PCLO: variants seen among roughly 807,000 people sequenced by gnomAD.
PCLO encodes protein piccolo.
In PCLO, 82 loss-of-function variants were observed where a neutral mutation model predicts 427.5. The observed-to-expected ratio is 0.19, with a 90% CI of 0.16 to 0.23. PCLO has a LOEUF of 0.23. Among genes scored for constraint, PCLO ranks in the 10% least tolerant of loss-of-function variants. PCLO has a pLI of 1.00. For synonymous variants in PCLO, 2,357 were observed against 2,155.4 expected (o/e 1.09, Z -2.59); for missense variants, 6,239 against 6,115.9 (o/e 1.02, Z -0.67).
intron 6 of PCLO, among the ~76,000 whole-genome samples, chr7:82,930,526 C>A (rs1386057160): frequency 6.6e-6 from 1 of 152,014 alleles, no homozygotes; most frequent in Non-Finnish European, 1.5e-5. Flanking sequence ...ACCAAATTAT[C>A]CAAGAGGTAA....
chr7:82,964,028 T>C (rs1324382891), intron 4 of PCLO, among the ~76,000 whole-genome samples: 1 of 152,074 alleles, frequency 6.6e-6, no homozygotes, highest in Non-Finnish European at 1.5e-5. Context: ...AACATCTGAG[T>C]GATGGAGTTC....
Position 83,135,121 on chromosome 7 carries a change from C to T in PCLO, c.2429G>A (p.Gly810Glu). ...AGAATCAAATGGGCTGACTTTTTCC[C>T]CTGTTGGTGGAAAACTCTGTGAGGG... ...AKPSQSFPPT[G>E]EKVSPFDSKA... Residue 810 changes from glycine (G) to glutamate (E), a missense_variant, in exon 3 of 25, where the codon GGG becomes GAG. Transcript: ENST00000333891. The T allele has an allele frequency of 1.9e-6, 3 of 1,613,808 alleles. No individual in the cohort carries two copies. The highest frequency in any genetic ancestry group is 2.5e-6 in the Non-Finnish European group (3 of 1,179,856).
At chr7:82,827,076 C>A (rs1267621564) in intron 17 of PCLO, among the ~76,000 whole-genome samples, 1 of 151,958 alleles carries the variant, frequency 6.6e-6, no homozygotes, top group Admixed American at 6.6e-5. Context: ...TGCCTTATTT[C>A]TGCAGGTGAG....
intron 9 of PCLO, among the ~76,000 whole-genome samples, chr7:82,886,300 AAAGAT>A (rs1309529464): frequency 6.6e-6 from 1 of 152,180 alleles, no homozygotes; most frequent in African/African-American, 2.4e-5. Context: ...CAAACATTAT[AAAGAT>A]AAGATTATTG....
chr7:82,978,426 A>G (rs1796071735), intron 3 of PCLO, among the ~76,000 whole-genome samples: 1 of 152,140 alleles, frequency 6.6e-6, no homozygotes, highest in Admixed American at 6.6e-5. Flanking sequence ...TCCAATGGCT[A>G]ATCAGTATTA....
intron 2 of PCLO, among the ~76,000 whole-genome samples, chr7:83,143,126 TATATA>T (rs1791904932): frequency 6.6e-6 from 1 of 152,172 alleles, no homozygotes; most frequent in Non-Finnish European, 1.5e-5. Context: ...ATACCAAAAA[TATATA>T]ATATAACCAG....
intron 3 of PCLO, among the ~76,000 whole-genome samples, chr7:83,094,956 A>T (rs982285272): frequency 6.6e-6 from 1 of 152,062 alleles, no homozygotes; most frequent in African/African-American, 2.4e-5. Context: ...TTTTGTTTTG[A>T]TATCAGGGTA....
At chr7:83,091,655 G>A (rs1790380846) in intron 3 of PCLO, among the ~76,000 whole-genome samples, 1 of 152,034 alleles carries the variant, frequency 6.6e-6, no homozygotes, top group Admixed American at 6.6e-5. Context: ...ACATACTGAT[G>A]TCAATTTTGT....
chr7:83,088,347 T>C (rs890477369), intron 3 of PCLO, among the ~76,000 whole-genome samples: 1 of 152,170 alleles, frequency 6.6e-6, no homozygotes, highest in Non-Finnish European at 1.5e-5. Flanking sequence ...GTGGACGCAC[T>C]GTGTGTATCT....
intron 3 of PCLO, among the ~76,000 whole-genome samples, chr7:83,121,508 G>A (rs1791278625): frequency 6.6e-6 from 1 of 152,002 alleles, no homozygotes; most frequent in Admixed American, 6.6e-5. Context: ...TAAAATAACA[G>A]TAGTAAATCC....
chr7:83,107,191 G>C (rs1173298002), intron 3 of PCLO, among the ~76,000 whole-genome samples: 1 of 152,100 alleles, frequency 6.6e-6, no homozygotes, highest in Non-Finnish European at 1.5e-5. Flanking sequence ...CTGATAGGTA[G>C]TTTTTCAGTC....
chr7:82,862,566 C>CAAAAAA lies in PCLO; in HGVS notation c.13655-15325_13655-15320dup, dbSNP rs36075501. Among the ~76,000 whole-genome samples the CAAAAAA allele has an allele frequency of 3.7e-4, 34 of 92,200 alleles. 2 individuals are homozygous for CAAAAAA. The highest frequency in any genetic ancestry group is 8.2e-3 in the Middle Eastern group (1 of 122). 60.5% of individuals were successfully genotyped at this position (92,200 alleles called of 152,430 possible). ...AAGCAACCAGAGCAAGACTCTGCCT[C>CAAAAAA]AAAAAAAAAAAAAAAAAAAAAGAAT... On this transcript the variant is annotated intron_variant, in intron 10 of 24. Coordinates refer to ENST00000333891, the MANE Select transcript of PCLO (RefSeq NM_033026.6).
At chr7:83,042,404 C>T (rs770254170) in intron 3 of PCLO, among the ~76,000 whole-genome samples, 3 of 152,042 alleles carry the variant, frequency 2.0e-5, no homozygotes, top group Non-Finnish European at 4.4e-5. Context: ...ATTAAATAAT[C>T]TCTTGAAATA....
At chr7:83,162,315 G>GC (rs1563001281) in intron 1 of PCLO, 30 bp downstream of exon 1, 1 of 1,572,718 alleles carries the variant, frequency 6.4e-7, no homozygotes, top group Non-Finnish European at 8.6e-7. Context: ...GTACATATAT[G>GC]CCCGGACATA....
intron 22 of PCLO, among the ~76,000 whole-genome samples, chr7:82,778,091 A>G (rs904569709): frequency 3.3e-5 from 5 of 152,200 alleles, no homozygotes; most frequent in African/African-American, 7.2e-5. Flanking sequence ...CAACCCCATT[A>G]AAAAGTGAGA....
At chr7:82,948,272 G>GT (rs565199681) in intron 6 of PCLO, among the ~76,000 whole-genome samples, 19 of 146,826 alleles carry the variant, frequency 1.3e-4, no homozygotes, top group Non-Finnish European at 2.5e-4. Context: ...GACAGTTTTA[G>GT]TTTTAGCTTA....
At chr7:82,996,842 TA>T (rs1327182545) in intron 3 of PCLO, among the ~76,000 whole-genome samples, 1 of 151,868 alleles carries the variant, frequency 6.6e-6, no homozygotes, top group Non-Finnish European at 1.5e-5. Context: ...ACACAATTTC[TA>T]TATCTAAGCA....
At chr7:83,032,305 C>A (rs879898597) in intron 3 of PCLO, among the ~76,000 whole-genome samples, 8 of 152,046 alleles carry the variant, frequency 5.3e-5, no homozygotes, top group Admixed American at 4.6e-4. Context: ...AAAACTCTAT[C>A]CTGCTTCACC....
At chr7:82,970,770 C>T (rs1795884656) in intron 3 of PCLO, among the ~76,000 whole-genome samples, 1 of 151,696 alleles carries the variant, frequency 6.6e-6, no homozygotes, top group African/African-American at 2.4e-5. Context: ...GAGGAAAATA[C>T]AGAATCTAGG....
Sources: gnomAD v4.1 joint callset for allele counts (sites outside exome capture counted in the v4.1 genomes callset) on GRCh38, gnomAD v4.1.1 for gene constraint, MANE v1.5 for transcripts, NCBI Gene and HGNC (gene_info 2026-07-23, HGNC 2026-07-21) for gene names.